KLRG1: variants seen among roughly 807,000 people sequenced by gnomAD.
KLRG1 encodes killer cell lectin like receptor G1.
In KLRG1, 16 loss-of-function variants were observed where a neutral mutation model predicts 21.8. The ratio of observed to expected loss-of-function variants is 0.73; its 90% CI spans 0.50 to 1.11. KLRG1 has a LOEUF of 1.11. KLRG1 is among the 50% of genes most tolerant of loss of function. KLRG1 has a pLI of 0.00. For missense variants in KLRG1, 173 were observed against 218.3 expected, an observed-to-expected ratio of 0.79 and a Z score of 1.31; for synonymous variants, 69 against 75.9, an observed-to-expected ratio of 0.91 and a Z score of 0.47.
chr12:9,097,822 G>C, the KLRG1 span, among the ~76,000 whole-genome samples: 140 of 152,158 alleles, frequency 9.2e-4, no homozygotes, highest in African/African-American at 3.3e-3. Context: ...TAGTAGATAC[G>C]GGGTTTCATT....
the KLRG1 span, among the ~76,000 whole-genome samples, chr12:9,100,220 A>T: frequency 6.6e-6 from 1 of 152,208 alleles, no homozygotes; most frequent in African/African-American, 2.4e-5. Flanking sequence ...GAAAAAAGAT[A>T]TTTATAATAA....
the KLRG1 span, among the ~76,000 whole-genome samples, chr12:9,208,719 A>G: frequency 6.6e-6 from 1 of 152,200 alleles, no homozygotes; most frequent in African/African-American, 2.4e-5. Flanking sequence ...ACATGTTACC[A>G]TGATAGTAGC....
downstream of KLRG1, among the ~76,000 whole-genome samples, chr12:9,015,130 CAT>C: frequency 6.6e-6 from 1 of 152,176 alleles, no homozygotes; most frequent in South Asian, 2.1e-4. Flanking sequence ...AGCAAGAAGA[CAT>C]ATAACAAAAT....
At chr12:9,101,418 G>GA in the KLRG1 span, 1 of 1,572,664 alleles carries the variant, frequency 6.4e-7, no homozygotes, top group Non-Finnish European at 8.7e-7. Flanking sequence ...TGTCTACAGT[G>GA]AAGTCAACGC....
At chr12:9,070,812 G>C in the KLRG1 span, among the ~76,000 whole-genome samples, 1 of 148,392 alleles carries the variant, frequency 6.7e-6, no homozygotes, top group Non-Finnish European at 1.5e-5. Context: ...GTGTATGGGG[G>C]CTGAGGATCT....
At chr12:9,128,436 C>T in the KLRG1 span, 1 of 153,024 alleles carries the variant, frequency 6.5e-6, no homozygotes, top group Non-Finnish European at 1.5e-5. Context: ...ATGAAAACCG[C>T]ATTGGAAGAC....
At chr12:9,181,087 C>T in the KLRG1 span, 1 of 1,614,158 alleles carries the variant, frequency 6.2e-7, no homozygotes, top group Non-Finnish European at 8.5e-7. Flanking sequence ...TGCAGGTGGG[C>T]ATGTGAGGCT....
chr12:9,041,313 G>A, the KLRG1 span, among the ~76,000 whole-genome samples: 13,311 of 152,170 alleles, frequency 0.087, 960 homozygotes, highest in African/African-American at 0.2. Context: ...CCAGCCTGGC[G>A]AAAGCGTGAA....
At chr12:9,194,527 C>A in the KLRG1 span, among the ~76,000 whole-genome samples, 1 of 145,312 alleles carries the variant, frequency 6.9e-6, no homozygotes, top group East Asian at 2.1e-4. Flanking sequence ...TGCAGTGGCG[C>A]GATCTCGGCT....
chr12:9,182,157 A>AGACAAAATGGTCATAAGTGG, the KLRG1 span: 1 of 1,598,004 alleles, frequency 6.3e-7, no homozygotes, highest in Non-Finnish European at 8.5e-7. Context: ...GTCATAAGTG[A>AGACAAAATGGTCATAAGTGG]GACAAAAAGG....
At chr12:9,212,318 C>T in the KLRG1 span, among the ~76,000 whole-genome samples, 2 of 152,296 alleles carry the variant, frequency 1.3e-5, no homozygotes, top group African/African-American at 4.8e-5. Context: ...CCAAGTTCAG[C>T]CTACCAGGGC....
At chr12:9,169,419 G>A in the KLRG1 span, 2 of 1,576,676 alleles carry the variant, frequency 1.3e-6, no homozygotes, top group Non-Finnish European at 1.7e-6. Context: ...AATAAGTAGT[G>A]AGAATTTTAC....
chr12:9,160,114 A>G, the KLRG1 span: 8 of 1,279,248 alleles, frequency 6.3e-6, no homozygotes, highest in African/African-American at 1.5e-5. Context: ...GGCGCCATGG[A>G]CATTTTATGA....
chr12:9,090,279 G>A, the KLRG1 span: 7 of 1,596,722 alleles, frequency 4.4e-6, no homozygotes, highest in South Asian at 1.1e-5. Flanking sequence ...CCTGAAGGAA[G>A]TAGCACTCAA....
chr12:9,150,119 A>C, the KLRG1 span, among the ~76,000 whole-genome samples: 26 of 152,296 alleles, frequency 1.7e-4, no homozygotes, highest in African/African-American at 5.5e-4. Context: ...TGTCACTAAT[A>C]GTCTTTCCTG....
At chr12:9,149,446 T>C in the KLRG1 span, 1 of 1,037,786 alleles carries the variant, frequency 9.6e-7, no homozygotes, top group Non-Finnish European at 1.4e-6. Context: ...TGTGAGGACA[T>C]GCCATGTGGA....
At chr12:8,960,268 G>A (rs1177503857) in intron 1 of KLRG1, among the ~76,000 whole-genome samples, 2 of 152,284 alleles carry the variant, frequency 1.3e-5, no homozygotes, top group East Asian at 3.9e-4. Flanking sequence ...TGTGGAGTTT[G>A]AGAAGACTAA....
At chr12:8,960,352 A>G (rs2137213037) in intron 1 of KLRG1, among the ~76,000 whole-genome samples, 1 of 152,342 alleles carries the variant, frequency 6.6e-6, no homozygotes, top group South Asian at 2.1e-4. Context: ...CTAGATAACT[A>G]CAGAGGAATC....
At chr12:9,163,617 C>T in the KLRG1 span, 52 of 1,593,294 alleles carry the variant, frequency 3.3e-5, no homozygotes, top group Non-Finnish European at 3.9e-5. Flanking sequence ...CAAGAGTGAC[C>T]GCCCGGTGTT....
Sources: gnomAD v4.1 joint callset for allele counts (sites outside exome capture counted in the v4.1 genomes callset) on GRCh38, gnomAD v4.1.1 for gene constraint, MANE v1.5 for transcripts, NCBI Gene and HGNC (gene_info 2026-07-23, HGNC 2026-07-21) for gene names.